The following FHIT variants were observed in gnomAD, a reference collection of about 807,000 sequenced individuals.
FHIT encodes fragile histidine triad diadenosine triphosphatase.
FHIT carries 19 observed loss-of-function variants against 17.9 expected under a neutral mutation model. The ratio of observed to expected loss-of-function variants is 1.06; its 90% confidence interval spans 0.74 to 1.56. The LOEUF is 1.56. Among genes scored for constraint, FHIT ranks in the 40% most tolerant of loss-of-function variants. FHIT has a pLI of 0.00. For synonymous variants in FHIT, 81 were observed against 69.7 expected (o/e 1.16, Z -0.81); for missense variants, 248 against 189.2 (o/e 1.31, Z -1.82).
At chr3:60,783,309 G>C (rs183302545) in intron 4 of FHIT, among the ~76,000 whole-genome samples, 5 of 152,202 alleles carry the variant, frequency 3.3e-5, no homozygotes, top group Non-Finnish European at 2.9e-5. Flanking sequence ...AGGAACACCA[G>C]TGTGGCTTTT....
intron 4 of FHIT, among the ~76,000 whole-genome samples, chr3:60,653,509 A>G (rs1553688850): frequency 4.5e-5 from 3 of 66,252 alleles, no homozygotes; most frequent in African/African-American, 1.1e-4. Flanking sequence ...AGAAAAAAAG[A>G]AACTGGAGTG....
chr3:60,070,152 G>A (rs1392498606), intron 5 of FHIT, among the ~76,000 whole-genome samples: 1 of 152,148 alleles, frequency 6.6e-6, no homozygotes, highest in Admixed American at 6.5e-5. Flanking sequence ...ATCACCTGGA[G>A]TGCCCTGGGT....
intron 5 of FHIT, among the ~76,000 whole-genome samples, chr3:60,060,638 G>A (rs1702259679): frequency 6.6e-6 from 1 of 152,144 alleles, no homozygotes. Context: ...CAGCTTAGTA[G>A]GAGAAAAATG....
At chr3:60,280,644 T>C (rs1215472674) in intron 5 of FHIT, among the ~76,000 whole-genome samples, 1 of 152,136 alleles carries the variant, frequency 6.6e-6, no homozygotes, top group African/African-American at 2.4e-5. Context: ...CCACAGCTTC[T>C]GTGGGAGTAC....
At chr3:60,440,940 C>T (rs1451088150) in intron 5 of FHIT, among the ~76,000 whole-genome samples, 1 of 152,056 alleles carries the variant, frequency 6.6e-6, no homozygotes, top group African/African-American at 2.4e-5. Context: ...TGATACTCTA[C>T]CAAATTACAA....
chr3:60,814,212 C>G (rs1447922), intron 4 of FHIT, among the ~76,000 whole-genome samples: 129,371 of 152,124 alleles, frequency 0.85, 55,837 homozygotes, highest in East Asian at 0.94. Flanking sequence ...ATTTTTTCAA[C>G]TTTCATTTTA....
intron 2 of FHIT, among the ~76,000 whole-genome samples, chr3:61,180,870 T>C (rs115331326): frequency 0.012 from 1,837 of 152,308 alleles, 42 homozygotes; most frequent in African/African-American, 0.042. Flanking sequence ...TACCAGTCAA[T>C]CTTTATGTGG....
At chr3:60,326,314 C>T (rs754509636) in intron 5 of FHIT, among the ~76,000 whole-genome samples, 15 of 152,048 alleles carry the variant, frequency 9.9e-5, no homozygotes, top group Non-Finnish European at 1.5e-4. Context: ...TTGTGACTAG[C>T]TGGTCCCATC....
intron 5 of FHIT, among the ~76,000 whole-genome samples, chr3:60,121,408 G>A (rs554753205): frequency 1.3e-4 from 20 of 152,154 alleles, no homozygotes; most frequent in Admixed American, 8.5e-4. Flanking sequence ...TGTACAGGCC[G>A]GGCACAGTGG....
At chr3:60,182,525 C>T (rs763286267) in intron 5 of FHIT, among the ~76,000 whole-genome samples, 11 of 152,126 alleles carry the variant, frequency 7.2e-5, no homozygotes, top group Non-Finnish European at 1.3e-4. Context: ...ACCTGTAATC[C>T]TAGCACTTTG....
intron 5 of FHIT, among the ~76,000 whole-genome samples, chr3:60,239,382 T>C (rs142152970): frequency 5.9e-5 from 9 of 152,152 alleles, no homozygotes; most frequent in Admixed American, 3.3e-4. Flanking sequence ...CTGGGCAACA[T>C]AGGGGGACCC....
intron 5 of FHIT, among the ~76,000 whole-genome samples, chr3:60,055,727 G>C (rs1048107935): frequency 2.0e-5 from 3 of 152,174 alleles, no homozygotes; most frequent in African/African-American, 7.2e-5. Flanking sequence ...TTATAGGGAT[G>C]CAAACTTTAG....
intron 5 of FHIT, among the ~76,000 whole-genome samples, chr3:60,240,108 C>T (rs1705050360): frequency 6.6e-6 from 1 of 152,110 alleles, no homozygotes; most frequent in African/African-American, 2.4e-5. Flanking sequence ...TCCTTGTTCA[C>T]CAAGTTAGGT....
At chr3:59,904,281 A>C (rs941589640) in intron 8 of FHIT, among the ~76,000 whole-genome samples, 2 of 151,402 alleles carry the variant, frequency 1.3e-5, no homozygotes, top group African/African-American at 4.9e-5. Context: ...ATTAAGCACA[A>C]ACTTGTGCCA....
chr3:60,799,982 A>G (rs1701130137), intron 4 of FHIT, among the ~76,000 whole-genome samples: 1 of 152,224 alleles, frequency 6.6e-6, no homozygotes, highest in South Asian at 2.1e-4. Context: ...GTAAATGAAT[A>G]TCAATTCATT....
intron 3 of FHIT, among the ~76,000 whole-genome samples, chr3:60,825,328 T>C (rs1438018955): frequency 1.3e-5 from 2 of 152,210 alleles, no homozygotes; most frequent in Non-Finnish European, 2.9e-5. Flanking sequence ...TATATTTATA[T>C]GATTAAAGGA....
chr3:60,601,595 C>A (rs536697757), intron 4 of FHIT, among the ~76,000 whole-genome samples: 2 of 152,096 alleles, frequency 1.3e-5, no homozygotes, highest in African/African-American at 4.8e-5. Flanking sequence ...AAACACCCAT[C>A]TTAATAGTGA....
intron 8 of FHIT, among the ~76,000 whole-genome samples, chr3:59,792,868 T>C (rs1397244601): frequency 1.8e-5 from 2 of 109,728 alleles, no homozygotes; most frequent in African/African-American, 9.3e-5. Flanking sequence ...AGGTCCTTAT[T>C]TTTTGGGGGG....
rs142458890 is a variant in FHIT at position 60,777,038 on chromosome 3, C to G, written c.-18+44881G>C. Among the ~76,000 whole-genome samples the G allele has an allele frequency of 2.0e-5, 3 of 152,318 alleles. No individual in the cohort carries two copies. The East Asian group carries it at 5.8e-4, about 29-fold the overall frequency. On this transcript the variant is annotated intron_variant, in intron 4 of 9. Coordinates refer to ENST00000492590, the MANE Select transcript of FHIT (RefSeq NM_002012.4). Reference sequence around the variant, plus strand: ...CCTAAGGTGCTAATCTTAATCTGCTCTTTGGCAAAATTTGTAAAGGGTTAT... The same window carrying G: ...CCTAAGGTGCTAATCTTAATCTGCTGTTTGGCAAAATTTGTAAAGGGTTAT...
Sources: gnomAD v4.1 joint callset for allele counts (sites outside exome capture counted in the v4.1 genomes callset) on GRCh38, gnomAD v4.1.1 for gene constraint, MANE v1.5 for transcripts, NCBI Gene and HGNC (gene_info 2026-07-23, HGNC 2026-07-21) for gene names.